The following TSPYL2 variants were observed in gnomAD, a reference collection of about 807,000 sequenced individuals.
The protein encoded by TSPYL2 is TSPY like 2.
In TSPYL2, 9 loss-of-function variants were observed where a neutral mutation model predicts 33.0. The ratio of observed to expected loss-of-function variants is 0.27; its 90% CI spans 0.16 to 0.48. TSPYL2 has a LOEUF of 0.48. TSPYL2 is among the 20% of genes least tolerant of loss of function. TSPYL2 has a pLI of 0.99. For missense variants in TSPYL2, 636 were observed against 586.2 expected (o/e 1.08, Z -0.88); for synonymous variants, 330 against 233.6 (o/e 1.41, Z -3.77).
At chrX:53,087,407 CTG>C (rs1322473179) in intron 6 of TSPYL2, 2 of 147,114 alleles carry the variant, frequency 1.4e-5, no homozygotes, top group East Asian at 3.3e-4. Context: ...TTGGATCAGA[CTG>C]GGGGAGAAAG....
chrX:53,085,541 C>A, intron 5 of TSPYL2, 90 bp from the exon 6 acceptor site: 1 of 976,667 alleles, frequency 1.0e-6, no homozygotes, highest in Non-Finnish European at 1.4e-6. Context: ...CCCTTATAGC[C>A]TACTGCTTCC....
chrX:53,084,448 C>A, intron 1 of TSPYL2, 97 bp from the exon 2 acceptor site: 1 of 745,805 alleles, frequency 1.3e-6, no homozygotes, highest in Non-Finnish European at 2.0e-6. Context: ...AGAAGGAATC[C>A]TCATGCTCCA....
rs1932731711 is a variant in TSPYL2, at chrX:53,085,075, C to T, written c.1119C>T (p.Leu373=). Residue 373 remains leucine, a synonymous_variant, in exon 4 of 7, where the codon CTC becomes CTT. Coordinates refer to ENST00000375442, the MANE Select transcript of TSPYL2 (RefSeq NM_022117.4). ...SFFSWFSNHS[L]PEADRIAEII... ...TCAGCTGGTTCTCAAACCATAGCCT[C>T]CCAGAGGCTGACAGGATTGCTGAGG... 8.3e-7 allele frequency: 1 copy of T among 1,208,199 alleles called. No homozygotes were observed. Among genetic ancestry groups the T allele is most frequent in the African/African-American group, 1.7e-5 (1 of 57,274 alleles).
In TSPYL2 at chrX:53,085,255, C is replaced by T; in HGVS notation, c.1172C>T (p.Pro391Leu). ...EIIKNDLWVN[P>L]LRYYLRERGS... ...ATCAAGAATGATCTGTGGGTTAACCCTCTACGCTACTACCTGAGAGAAAGG... is the reference window on the plus strand; with the variant it reads ...ATCAAGAATGATCTGTGGGTTAACCTTCTACGCTACTACCTGAGAGAAAGG... The change falls in exon 5 of 7, where the codon CCT becomes CTT. Residue 391 changes from proline to leucine, a missense_variant. Pro to Leu is a moderately conservative substitution (Grantham distance 98, BLOSUM62 -3). Coordinates refer to ENST00000375442, the MANE Select transcript of TSPYL2 (RefSeq NM_022117.4). 3 of 1,208,456 alleles carry T rather than the reference C, an allele frequency of 2.5e-6. No homozygotes were observed. Among genetic ancestry groups the T allele is most frequent in the Non-Finnish European group, 2.2e-6 (2 of 894,253 alleles).
rs1198904643 is a variant in TSPYL2 at position 53,085,407 on chromosome X, G to A, written c.1238+86G>A. 4.7e-6 allele frequency: 4 copies of A among 846,969 alleles called. No individual in the cohort carries two copies. The African/African-American group carries it at 8.2e-5, about 17-fold the overall frequency. 69.8% of individuals were successfully genotyped at this position (846,969 alleles called of 1,213,427 possible). The stretch of plus-strand genomic sequence containing the variant: ...CACAGGATTTATGGAGCCAAAAAGG[G>A]ACCTTTGAGATAATCCCAGTGGAAT... On this transcript the variant is annotated intron_variant, in intron 5 of 6. Transcript: ENST00000375442.
chrX:53,085,156 G>A lies in TSPYL2; in HGVS notation c.1143+57G>A, dbSNP rs781848181. The A allele has an allele frequency of 2.5e-4, 299 of 1,186,259 alleles. 1 individual carries two copies. The South Asian group carries it at 5.0e-3, about 20-fold the overall frequency. ...CCTTGCTAGGCTTGTTCCTGGGTGCGTGGGGAATTAAGAGGAGGATCTGGA... is the reference window on the plus strand; with the variant it reads ...CCTTGCTAGGCTTGTTCCTGGGTGCATGGGGAATTAAGAGGAGGATCTGGA... On this transcript the variant is annotated intron_variant, in intron 4 of 6. Transcript: ENST00000375442.
chrX:53,085,874 TAAC>T lies in TSPYL2; in HGVS notation c.1486_1488del (p.Asn496del), dbSNP rs782753025. 220 of 1,209,082 alleles carry T rather than the reference TAAC, an allele frequency of 1.8e-4. No individual in the cohort carries two copies. Among genetic ancestry groups the T allele is most frequent in the African/African-American group, 5.1e-4 (29 of 56,820 alleles). On this transcript the variant is annotated inframe_deletion, in exon 6 of 7. Coordinates refer to ENST00000375442, the MANE Select transcript of TSPYL2 (RefSeq NM_022117.4). ...AGGTCCCCAACAACGAGACCACTGATAACAACGAGAGTGCTGATGACCACGAAA... is the reference window on the plus strand; with the variant it reads ...AGGTCCCCAACAACGAGACCACTGATAACGAGAGTGCTGATGACCACGAAA...
At position 53,087,825 on chromosome X, in the gene TSPYL2, AG is replaced by A; in HGVS notation, c.1970del (p.Gly657GlufsTer17). The A allele has an allele frequency of 8.3e-7, 1 of 1,211,745 alleles. No individual in the cohort carries two copies. Among genetic ancestry groups the A allele is most frequent in the Non-Finnish European group, 1.1e-6 (1 of 895,219 alleles). ...ATGAGGAAGGAAACTATGAGGAGGA[AG>A]GAAGTGAAGATGTCTGGGAAGAAGG... The part of the protein sequence containing the change: ...IYEEGNYEEE[G>X]SEDVWEEGED... On this transcript the variant is annotated frameshift_variant, in exon 7 of 7. Transcript: ENST00000375442. LOFTEE classifies it low-confidence loss of function (END_TRUNC).
chrX:53,083,213 C>T lies in TSPYL2; in HGVS notation c.715C>T (p.Arg239Cys), dbSNP rs1429346571. 8.3e-7 allele frequency: 1 copy of T among 1,211,161 alleles called. No homozygotes were observed. The highest frequency in any genetic ancestry group is 1.7e-5 in the African/African-American group (1 of 57,708). ...VNIKAGKAFL[R>C]LKRKFIQMRR... The stretch of plus-strand genomic sequence containing the variant: ...CATCAAGGCAGGCAAAGCCTTCCTG[C>T]GTCTCAAGCGCAAGTTCATCCAGAT... Residue 239 changes from arginine (R) to cysteine (C), a missense_variant, in exon 1 of 7, where the codon CGT becomes TGT. By Grantham distance (180) the Arg-to-Cys change is radical (BLOSUM62 -3). Transcript: ENST00000375442.
In TSPYL2 at chrX:53,085,998, G is replaced by A. The variant is rs1369119886; in HGVS notation, c.1606G>A (p.Glu536Lys). 8.4e-7 allele frequency: 1 copy of A among 1,184,119 alleles called. No homozygotes were observed. Among genetic ancestry groups the A allele is most frequent in the Non-Finnish European group, 1.1e-6 (1 of 881,740 alleles). ...CAACGAAGAGAACCCTAACAACAACGAGAACACTTACGGCAACAACTTCTT... is the reference window on the plus strand; with the variant it reads ...CAACGAAGAGAACCCTAACAACAACAAGAACACTTACGGCAACAACTTCTT... ...DDNEENPNNN[E>K]NTYGNNFFKG... The change falls in exon 6 of 7, where the codon GAG (glutamate) becomes AAG (lysine). Residue 536 changes from glutamate to lysine, a missense_variant. Coordinates refer to ENST00000375442, the MANE Select transcript of TSPYL2 (RefSeq NM_022117.4).
Position 53,087,908 on chromosome X carries a change from C to T in TSPYL2, c.2051C>T (p.Ala684Val), listed in dbSNP as rs2146702648. 8.3e-7 allele frequency: 1 copy of T among 1,211,634 alleles called. No individual in the cohort carries two copies. Among genetic ancestry groups the T allele is most frequent in the Non-Finnish European group, 1.1e-6 (1 of 895,411 alleles). ...EDVLQVPNGWANPGKRGKTG is the reference protein window; with the variant it reads ...EDVLQVPNGWVNPGKRGKTG ...GTGCTTCAGGTCCCAAACGGTTGGG[C>T]CAATCCGGGGAAGAGGGGGAAAACC... Residue 684 changes from alanine to valine, a missense_variant, in exon 7 of 7, where the codon GCC becomes GTC. Transcript: ENST00000375442.
chrX:53,082,396 G>A lies in TSPYL2; in HGVS notation c.-103G>A. ...CGAGGTGGTGAGGAGAGCTGGTTGC[G>A]TGAGTCTCCTCAGCTCTGCTTACCG... On this transcript the variant is annotated 5_prime_UTR_variant, in exon 1 of 7. The change creates a new upstream start codon in the 5' untranslated region. Transcript: ENST00000375442. The A allele has an allele frequency of 2.5e-6, 2 of 804,759 alleles. No homozygotes were observed. Among genetic ancestry groups the A allele is most frequent in the Non-Finnish European group, 1.7e-6 (1 of 593,886 alleles). The allele number at this position is 804,759 out of a possible 1,213,427, so 66.3% of individuals were successfully genotyped here. A position where few individuals can be genotyped will look rare whatever the true frequency, so the allele number is the denominator to read the frequency against.
Position 53,082,488 on chromosome X carries a change from A to G in TSPYL2, c.-11A>G. 1 of 1,150,179 alleles carries G rather than the reference A, an allele frequency of 8.7e-7. No homozygotes were observed. Among genetic ancestry groups the G allele is most frequent in the South Asian group, 1.9e-5 (1 of 51,549 alleles). The allele number at this position is 1,150,179 out of a possible 1,213,427, so 94.8% of individuals were successfully genotyped here. On this transcript the variant is annotated 5_prime_UTR_variant, in exon 1 of 7. Coordinates refer to ENST00000375442, the MANE Select transcript of TSPYL2 (RefSeq NM_022117.4). ...AGTGCGAGTCCCCTGAGCTGTACGA[A>G]CGCGGTCGCCATGGACCGCCCAGAT... is the stretch of plus-strand genomic sequence containing the variant.
chrX:53,087,470 CAGGA>C (rs1932783174), intron 6 of TSPYL2: 1 of 250,096 alleles, frequency 4.0e-6, no homozygotes, highest in Admixed American at 5.5e-5. Flanking sequence ...GGTCAGAGCT[CAGGA>C]AGAGACACAC....
In TSPYL2 at chrX:53,082,367, A is replaced by AGAGCGAGGTGGTGAGG; in HGVS notation, c.-131_-116dup. The AGAGCGAGGTGGTGAGG allele has an allele frequency of 1.6e-6, 1 of 609,921 alleles. No homozygotes were observed. The highest frequency in any genetic ancestry group is 4.2e-5 in the East Asian group (1 of 23,540). 50.3% of individuals were successfully genotyped at this position (609,921 alleles called of 1,213,427 possible). On this transcript the variant is annotated 5_prime_UTR_variant, in exon 1 of 7. Coordinates refer to ENST00000375442, the MANE Select transcript of TSPYL2 (RefSeq NM_022117.4). Reference sequence around the variant, plus strand: ...AGCGGGCGCTGTGGGAGGGAACGCCAGAGCGAGGTGGTGAGGAGAGCTGGT... The same window carrying AGAGCGAGGTGGTGAGG: ...AGCGGGCGCTGTGGGAGGGAACGCCAGAGCGAGGTGGTGAGGGAGCGAGGTGGTGAGGAGAGCTGGT...
chrX:53,082,556 T>C lies in TSPYL2; in HGVS notation c.58T>C (p.Ser20Pro). 1 of 1,154,685 alleles carries C rather than the reference T, an allele frequency of 8.7e-7. No homozygotes were observed. Among genetic ancestry groups the C allele is most frequent in the Non-Finnish European group, 1.1e-6 (1 of 871,653 alleles). The change falls in exon 1 of 7, where the codon TCT becomes CCT. Residue 20 changes from serine to proline, a missense_variant. Physicochemically the swap from Ser to Pro is moderately conservative, Grantham distance 74. Transcript: ENST00000375442. ...GACCCGCCGCCTGAGCAGCTCCGAG[T>C]CTCCACAGCGCGACCCGCCCCCGCC... is the stretch of plus-strand genomic sequence containing the variant. ...AKTRRLSSSE[S>P]PQRDPPPPPP...
In TSPYL2 at chrX:53,085,418, T is replaced by A. The variant is rs1270276748; in HGVS notation, c.1238+97T>A. 8.7e-6 allele frequency: 7 copies of A among 804,177 alleles called. No homozygotes were observed. In the African/African-American group the frequency reaches 1.5e-4, roughly 17 times the overall value. The allele number at this position is 804,177 out of a possible 1,213,427, so 66.3% of individuals were successfully genotyped here. A position where few individuals can be genotyped will look rare whatever the true frequency, so the allele number is the denominator to read the frequency against. On this transcript the variant is annotated intron_variant, in intron 5 of 6. Transcript: ENST00000375442. ...TGGAGCCAAAAAGGGACCTTTGAGATAATCCCAGTGGAATATGTTTTACAA... is the reference window on the plus strand; with the variant it reads ...TGGAGCCAAAAAGGGACCTTTGAGAAAATCCCAGTGGAATATGTTTTACAA...
chrX:53,086,214 A>G lies in TSPYL2; in HGVS notation c.1822A>G (p.Lys608Glu). ...DDDRDIEYYE[K>E]VIEDFDKDQA... ...CGACAGAGACATTGAGTACTATGAGAAAGTTATTGAAGACTTTGACAAGGA... is the reference window on the plus strand; with the variant it reads ...CGACAGAGACATTGAGTACTATGAGGAAGTTATTGAAGACTTTGACAAGGA... The change falls in exon 6 of 7, where the codon AAA becomes GAA. Residue 608 changes from lysine (K) to glutamate (E), a missense_variant. Lys to Glu is a moderately conservative substitution (Grantham distance 56). Transcript: ENST00000375442. 3 of 1,211,379 alleles carry G rather than the reference A, an allele frequency of 2.5e-6. No homozygotes were observed. The highest frequency in any genetic ancestry group is 3.0e-5 in the East Asian group (1 of 33,839).
In TSPYL2 at chrX:53,082,482, G is replaced by A. The variant is rs782397178; in HGVS notation, c.-17G>A. The A allele has an allele frequency of 2.2e-5, 25 of 1,147,912 alleles. No individual in the cohort carries two copies. In the African/African-American group the frequency reaches 2.7e-4, roughly 13 times the overall value. 94.6% of individuals were successfully genotyped at this position (1,147,912 alleles called of 1,213,427 possible). ...GGGGCGAGTGCGAGTCCCCTGAGCT[G>A]TACGAACGCGGTCGCCATGGACCGC... On this transcript the variant is annotated 5_prime_UTR_variant, in exon 1 of 7. Transcript: ENST00000375442.
Sources: gnomAD v4.1 joint callset for allele counts on GRCh38, gnomAD v4.1.1 for gene constraint, MANE v1.5 for transcripts, NCBI Gene and HGNC (gene_info 2026-07-23, HGNC 2026-07-21) for gene names.